KDM1B: variants seen among roughly 807,000 people sequenced by gnomAD.
The protein encoded by KDM1B is lysine demethylase 1B.
In KDM1B, 63 loss-of-function variants were observed where a neutral mutation model predicts 107.4. The ratio of observed to expected loss-of-function variants is 0.59; its 90% CI spans 0.48 to 0.72. KDM1B has a LOEUF of 0.72. Among genes scored for constraint, KDM1B ranks in the 30% least tolerant of loss-of-function variants. The probability of loss-of-function intolerance (pLI) is 0.00; values close to 1 mark genes in which losing one functional copy is unlikely to be tolerated. For missense variants in KDM1B, 749 were observed against 1,020.8 expected (o/e 0.73, Z 3.63); for synonymous variants, 363 against 363.9 (o/e 1.00, Z 0.03).
Position 18,203,300 on chromosome 6 carries a change from C to G in KDM1B, c.1531+1643C>G, listed in dbSNP as rs765520822. Among the ~76,000 whole-genome samples, 18 of 152,088 alleles carry G rather than the reference C, an allele frequency of 1.2e-4. No individual in the cohort carries two copies. The highest frequency in any genetic ancestry group is 1.3e-4 in the Admixed American group (2 of 15,258). On this transcript the variant is annotated intron_variant, in intron 14 of 21. Transcript: ENST00000650836. The surrounding 1 kb of genome is among the most constrained non-coding windows in gnomAD (Gnocchi z 5.5). ...TCACAAACAAAACAAATAAAAAACC[C>G]AAGTTGTTAAGGTAGGCTCAGCAAT...
intron 7 of KDM1B, among the ~76,000 whole-genome samples, chr6:18,181,241 A>G (rs1786452834): frequency 6.6e-6 from 1 of 152,110 alleles, no homozygotes; most frequent in African/African-American, 2.4e-5. Context: ...TATATAGTGT[A>G]CCTCTGTGTG....
In KDM1B at chr6:18,194,226, G is replaced by C. The variant is rs185236320; in HGVS notation, c.970-2831G>C. ...ATGGGGTTTCAACCATGTTGGCCAG[G>C]CTGGTCTCGAACTCCTGACCTCAGG... On this transcript the variant is annotated intron_variant, in intron 10 of 21. Transcript: ENST00000650836. 1.4e-4 allele frequency among the ~76,000 whole-genome samples: 22 copies of C among 152,246 alleles called. No homozygotes were observed. The East Asian group carries it at 3.7e-3, about 25-fold the overall frequency.
intron 7 of KDM1B, among the ~76,000 whole-genome samples, chr6:18,183,849 G>A (rs1377808368): frequency 2.6e-5 from 4 of 151,816 alleles, no homozygotes; most frequent in Admixed American, 2.6e-4. Context: ...TATAAGGGCT[G>A]TTTCTAGTTT....
In KDM1B at chr6:18,200,335, C is replaced by T; in HGVS notation, c.1222-104C>T. The T allele has an allele frequency of 8.7e-7, 1 of 1,147,268 alleles. No homozygotes were observed. Among genetic ancestry groups the T allele is most frequent in the Non-Finnish European group, 1.2e-6 (1 of 820,992 alleles). 71.1% of individuals were successfully genotyped at this position (1,147,268 alleles called of 1,614,324 possible). On this transcript the variant is annotated intron_variant, in intron 12 of 21. Coordinates refer to ENST00000650836, the MANE Select transcript of KDM1B (RefSeq NM_001364614.2). The surrounding 1 kb of genome is among the most constrained non-coding windows in gnomAD (Gnocchi z 4.3). ...TTTTTTAGAAATATTTGGAATTAACCAAATATAGAGGCTATTTAACAGTGT... is the reference window on the plus strand; with the variant it reads ...TTTTTTAGAAATATTTGGAATTAACTAAATATAGAGGCTATTTAACAGTGT...
intron 4 of KDM1B, 42 bp downstream of exon 4, chr6:18,161,496 GAGA>G: frequency 3.1e-6 from 5 of 1,606,266 alleles, no homozygotes; most frequent in Non-Finnish European, 2.6e-6. Flanking sequence ...TTCTGCTTGT[GAGA>G]AGTTCTTTGT....
rs1470979676 is a variant in KDM1B, at chr6:18,212,611, G to T, written c.1983+7G>T. On this transcript the variant is annotated splice_region_variant and intron_variant, in intron 18 of 21. Coordinates refer to ENST00000650836, the MANE Select transcript of KDM1B (RefSeq NM_001364614.2). This position sits in a 1 kb window ranked among gnomAD's most constrained non-coding sequence, Gnocchi z 5.2. ...CGCAGGCATCATTGAAAAGGTGACT[G>T]AAATGACCTCATCCTCAGCAAGAAA... 6.4e-7 allele frequency: 1 copy of T among 1,550,768 alleles called. No homozygotes were observed. Among genetic ancestry groups the T allele is most frequent in the Non-Finnish European group, 8.9e-7 (1 of 1,122,158 alleles).
At chr6:18,165,571 C>T (rs1444630458) in intron 5 of KDM1B, among the ~76,000 whole-genome samples, 1 of 152,040 alleles carries the variant, frequency 6.6e-6, no homozygotes, top group African/African-American at 2.4e-5. Flanking sequence ...GCCTATAATC[C>T]CAGCACTTTG....
rs1022633323 is a variant in KDM1B at position 18,160,115 on chromosome 6, C to G, written c.87+133C>G. On this transcript the variant is annotated intron_variant, in intron 3 of 21. Transcript: ENST00000650836. ...TATTCTAGGGGAGAAATTCTCAGTA[C>G]GGTCATAACACAGTGTGATAACATG... 3 of 611,002 alleles carry G rather than the reference C, an allele frequency of 4.9e-6. No homozygotes were observed. In the African/African-American group the frequency reaches 5.6e-5, roughly 11 times the overall value. 37.8% of individuals were successfully genotyped at this position (611,002 alleles called of 1,614,324 possible). A position where few individuals can be genotyped will look rare whatever the true frequency, so the allele number is the denominator to read the frequency against.
chr6:18,196,922 C>A, intron 10 of KDM1B, 135 bp from the exon 11 acceptor site: 1 of 806,592 alleles, frequency 1.2e-6, no homozygotes, highest in Non-Finnish European at 2.0e-6. Context: ...TACCTGTTGG[C>A]CATTTGAGCA....
At chr6:18,167,444 G>A (rs67109262) in intron 6 of KDM1B, among the ~76,000 whole-genome samples, 49,623 of 151,668 alleles carry the variant, frequency 0.33, 8,271 homozygotes, top group East Asian at 0.52. Context: ...TGCATATATT[G>A]TTGAAATATA....
At chr6:18,217,700 T>G in intron 20 of KDM1B, 33 bp from the exon 21 acceptor site, 1 of 1,599,724 alleles carries the variant, frequency 6.3e-7, no homozygotes, top group East Asian at 2.2e-5. Context: ...CCCTTCTTGA[T>G]CCTACTTCAT....
Position 18,212,504 on chromosome 6 carries a change from C to A in KDM1B, c.1883C>A (p.Pro628Gln). Residue 628 changes from proline (P) to glutamine (Q), a missense_variant, in exon 18 of 22, where the codon CCA becomes CAA. Pro to Gln is a moderately conservative substitution (Grantham distance 76). Transcript: ENST00000650836. This position sits in a 1 kb window ranked among gnomAD's most constrained non-coding sequence, Gnocchi z 5.2. Reference sequence around the variant, plus strand: ...TTTCCACAGGTATTAGTCACTGTACCACTGGCTTTACTACAGAAAGGTGCC... The same window carrying A: ...TTTCCACAGGTATTAGTCACTGTACAACTGGCTTTACTACAGAAAGGTGCC... ...YSAQKVLVTV[P>Q]LALLQKGAIQ... is the part of the protein sequence containing the mutation. The A allele has an allele frequency of 1.2e-6, 2 of 1,611,292 alleles. No individual in the cohort carries two copies. The highest frequency in any genetic ancestry group is 1.7e-6 in the Non-Finnish European group (2 of 1,177,446).
rs1338749579 is a variant in KDM1B at position 18,213,873 on chromosome 6, C to T, written c.2109+92C>T. On this transcript the variant is annotated intron_variant, in intron 19 of 21. Coordinates refer to ENST00000650836, the MANE Select transcript of KDM1B (RefSeq NM_001364614.2). The surrounding 1 kb of genome is among the most constrained non-coding windows in gnomAD (Gnocchi z 5.9). The stretch of plus-strand genomic sequence containing the variant: ...CTCACCTATCAAGCTCAGGAACTAA[C>T]GAACATCATGGAGACCCTGGGTCTA... 8.6e-6 allele frequency: 12 copies of T among 1,390,636 alleles called. No individual in the cohort carries two copies. Among genetic ancestry groups the T allele is most frequent in the South Asian group, 4.9e-5 (4 of 82,418 alleles). 86.1% of individuals were successfully genotyped at this position (1,390,636 alleles called of 1,614,324 possible).
At chr6:18,216,870 C>A (rs1440931690) in intron 20 of KDM1B, among the ~76,000 whole-genome samples, 1 of 152,144 alleles carries the variant, frequency 6.6e-6, no homozygotes, top group Non-Finnish European at 1.5e-5. Flanking sequence ...TAGGAAAAAA[C>A]ATAGTGTGTA....
intron 6 of KDM1B, among the ~76,000 whole-genome samples, chr6:18,168,367 A>G (rs568801115): frequency 1.3e-5 from 2 of 152,322 alleles, no homozygotes; most frequent in African/African-American, 4.8e-5. Context: ...CAACATGTAA[A>G]CTTTTGTATC....
rs929451029 is a variant in KDM1B at position 18,166,369 on chromosome 6, C to T, written c.408C>T (p.Leu136=). Reference sequence around the variant, plus strand: ...AAGCTTTCATGGCAGACCAGCAACTCCCCTACTGGGTAAGGAGAGTGATGC... The same window carrying T: ...AAGCTTTCATGGCAGACCAGCAACTTCCCTACTGGGTAAGGAGAGTGATGC... ...SPKAFMADQQ[L]PYWVQCTKPE... is the part of the protein sequence containing the mutation. The change falls in exon 6 of 22, where the codon CTC becomes CTT. Residue 136 remains leucine (L), a synonymous_variant. Coordinates refer to ENST00000650836, the MANE Select transcript of KDM1B (RefSeq NM_001364614.2). The T allele has an allele frequency of 3.1e-6, 5 of 1,597,746 alleles. No homozygotes were observed. Among genetic ancestry groups the T allele is most frequent in the Non-Finnish European group, 4.3e-6 (5 of 1,165,066 alleles).
chr6:18,157,778 T>C (rs1233507541), intron 2 of KDM1B, among the ~76,000 whole-genome samples: 1 of 151,504 alleles, frequency 6.6e-6, no homozygotes, highest in Non-Finnish European at 1.5e-5. Flanking sequence ...AAAAGCCTTC[T>C]TTGGGTATAA....
Position 18,205,754 on chromosome 6 carries a change from G to A in KDM1B, c.1659+90G>A. 7.9e-7 allele frequency: 1 copy of A among 1,273,648 alleles called. No individual in the cohort carries two copies. Among genetic ancestry groups the A allele is most frequent in the Non-Finnish European group, 1.0e-6 (1 of 978,316 alleles). 78.9% of individuals were successfully genotyped at this position (1,273,648 alleles called of 1,614,324 possible). ...CACGCCTGTAATCCCAGCACTTTGG[G>A]AGGCCGAGGTGGGCAGATCATGAGG... On this transcript the variant is annotated intron_variant, in intron 15 of 21. Coordinates refer to ENST00000650836, the MANE Select transcript of KDM1B (RefSeq NM_001364614.2). This position sits in a 1 kb window ranked among gnomAD's most constrained non-coding sequence, Gnocchi z 5.7.
Position 18,197,697 on chromosome 6 carries a change from T to C in KDM1B, c.1221+36T>C, listed in dbSNP as rs752748276. 1.6e-5 allele frequency: 23 copies of C among 1,465,440 alleles called. No individual in the cohort carries two copies. In the South Asian group the frequency reaches 2.5e-4, roughly 16 times the overall value. The allele number at this position is 1,465,440 out of a possible 1,614,324, so 90.8% of individuals were successfully genotyped here. A position where few individuals can be genotyped will look rare whatever the true frequency, so the allele number is the denominator to read the frequency against. ...GGGGACATGGAGTTAGAACAGATGGTTGACTGCTCCTTTTGGTCCAAATTT... is the reference window on the plus strand; with the variant it reads ...GGGGACATGGAGTTAGAACAGATGGCTGACTGCTCCTTTTGGTCCAAATTT... On this transcript the variant is annotated intron_variant, in intron 12 of 21. Transcript: ENST00000650836. This position sits in a 1 kb window ranked among gnomAD's most constrained non-coding sequence, Gnocchi z 4.5.
Sources: allele counts gnomAD v4.1 joint callset (sites outside exome capture counted in the v4.1 genomes callset), GRCh38; gene constraint gnomAD v4.1.1; non-coding constraint Gnocchi (gnomAD v3.1); transcripts MANE v1.5; gene names NCBI Gene and HGNC (gene_info 2026-07-23, HGNC 2026-07-21).